The following TBC1D32 variants were observed in gnomAD, a reference collection of about 807,000 sequenced individuals.
TBC1D32 encodes protein broad-minded.
A neutral mutation model predicts 170.3 loss-of-function variants in TBC1D32; 151 were observed. The observed-to-expected ratio is 0.89, with a 90% CI of 0.78 to 1.01. TBC1D32 has a LOEUF of 1.01. Among genes scored for constraint, TBC1D32 ranks in the 50% least tolerant of loss-of-function variants. The pLI, the probability that TBC1D32 is intolerant of heterozygous loss-of-function variation, is 0.00. For missense variants in TBC1D32, 1,464 were observed against 1,457.1 expected, an observed-to-expected ratio of 1.00 and a Z score of -0.08; for synonymous variants, 498 against 488.0, an observed-to-expected ratio of 1.02 and a Z score of -0.27.
intron 20 of TBC1D32, among the ~76,000 whole-genome samples, chr6:121,230,695 A>G (rs1276724004): frequency 1.3e-5 from 2 of 151,772 alleles, no homozygotes; most frequent in South Asian, 2.1e-4. Context: ...ACATGTGTGT[A>G]TATATATTTG....
At chr6:121,282,485 C>CT (rs200639441) in intron 13 of TBC1D32, among the ~76,000 whole-genome samples, 4,971 of 151,748 alleles carry the variant, frequency 0.033, 193 homozygotes, top group East Asian at 0.12. Context: ...GGAAACTATT[C>CT]TAACTTATGT....
At chr6:121,191,039 A>G (rs1366046724) in intron 22 of TBC1D32, among the ~76,000 whole-genome samples, 1 of 7,462 alleles carries the variant, frequency 1.3e-4, no homozygotes, top group Non-Finnish European at 6.6e-4. Context: ...CAATGTGTGT[A>G]TGCATATATA....
In TBC1D32 at chr6:121,112,631, A is replaced by G; in HGVS notation, c.3198T>C (p.His1066=). The G allele has an allele frequency of 6.3e-7, 1 of 1,596,980 alleles. No individual in the cohort carries two copies. The highest frequency in any genetic ancestry group is 2.3e-5 in the East Asian group (1 of 43,928). ...TGAACAGAGAAGATACAAACCAGTC[A>G]TGGCCAGCATAATTCCCTTGCAGGC... ...LLCLQGNYAG[H]DWFVSSLFMI... The change falls in exon 29 of 32, where the codon CAT becomes CAC. Residue 1066 remains histidine (H), a synonymous_variant. Transcript: ENST00000398212.
intron 20 of TBC1D32, chr6:121,224,392 T>C (rs1021532561): frequency 2.0e-5 from 3 of 152,130 alleles, no homozygotes; most frequent in African/African-American, 7.2e-5. Context: ...TGCTTTACAT[T>C]TTCTAAAAAT....
chr6:121,333,936 G>T (rs1229458140), intron 1 of TBC1D32, among the ~76,000 whole-genome samples: 1 of 152,030 alleles, frequency 6.6e-6, no homozygotes, highest in African/African-American at 2.4e-5. Context: ...CCGCGGTGGC[G>T]GGCACCTGCA....
intron 1 of TBC1D32, among the ~76,000 whole-genome samples, chr6:121,327,016 T>C (rs1810545674): frequency 1.3e-5 from 2 of 152,176 alleles, no homozygotes; most frequent in South Asian, 4.1e-4. Flanking sequence ...TCGGAATTCA[T>C]GGCAACACCC....
chr6:121,199,282 C>A (rs1457674026), intron 22 of TBC1D32, among the ~76,000 whole-genome samples: 1 of 151,250 alleles, frequency 6.6e-6, no homozygotes, highest in East Asian at 1.9e-4. Context: ...TGGAATATTA[C>A]TTAATCCTTT....
intron 26 of TBC1D32, among the ~76,000 whole-genome samples, chr6:121,116,879 T>G (rs945483667): frequency 2.6e-5 from 4 of 152,202 alleles, no homozygotes; most frequent in Non-Finnish European, 5.9e-5. Flanking sequence ...AGACCCTCTC[T>G]AAAACTTTAT....
At chr6:121,082,460 C>A (rs776093122) in intron 31 of TBC1D32, among the ~76,000 whole-genome samples, 22 of 151,930 alleles carry the variant, frequency 1.4e-4, no homozygotes, top group Non-Finnish European at 2.8e-4. Flanking sequence ...GCTTTAACTA[C>A]CTCTTCACTA....
intron 26 of TBC1D32, among the ~76,000 whole-genome samples, chr6:121,121,027 T>C (rs1426714322): frequency 6.6e-6 from 1 of 151,970 alleles, no homozygotes; most frequent in Non-Finnish European, 1.5e-5. Context: ...TCTTTGAATA[T>C]AGATGTGAAT....
rs531526796 is a variant in TBC1D32, at chr6:121,143,773, T to C, written c.2774-12021A>G. Reference sequence around the variant, plus strand: ...ATTAATGTTTAGCTTTATTTAACGGTATTTAACCAGACACATACCTGTTAG... The same window carrying C: ...ATTAATGTTTAGCTTTATTTAACGGCATTTAACCAGACACATACCTGTTAG... On this transcript the variant is annotated intron_variant, in intron 24 of 31. Transcript: ENST00000398212. Among the ~76,000 whole-genome samples the C allele has an allele frequency of 2.6e-5, 4 of 152,260 alleles. 1 individual carries two copies. The East Asian group carries it at 5.8e-4, about 22-fold the overall frequency.
At chr6:121,320,538 G>A (rs1809571887) in intron 2 of TBC1D32, among the ~76,000 whole-genome samples, 1 of 151,952 alleles carries the variant, frequency 6.6e-6, no homozygotes, top group Admixed American at 6.6e-5. Flanking sequence ...GACTTACTAG[G>A]AATTATATTA....
chr6:121,321,252 A>G (rs1258112670), intron 2 of TBC1D32, among the ~76,000 whole-genome samples: 3 of 152,216 alleles, frequency 2.0e-5, no homozygotes, highest in Non-Finnish European at 4.4e-5. Context: ...ATATTTAGGA[A>G]AAGGGCATTC....
chr6:121,232,945 A>T (rs1337113415), intron 20 of TBC1D32, among the ~76,000 whole-genome samples: 2 of 152,004 alleles, frequency 1.3e-5, no homozygotes, highest in Non-Finnish European at 2.9e-5. Context: ...TTTAATTTCC[A>T]TCTTGATATC....
Position 121,308,104 on chromosome 6 carries a change from A to T in TBC1D32, c.565-3T>A. On this transcript the variant is annotated splice_region_variant and splice_polypyrimidine_tract_variant and intron_variant, in intron 4 of 31. Coordinates refer to ENST00000398212, the MANE Select transcript of TBC1D32 (RefSeq NM_152730.6). ...GTTTGCAAGGCTTCATATCTCACCT[A>T]CAATTTTTTTAAAAGACTTTTATTA... 2 of 1,607,988 alleles carry T rather than the reference A, an allele frequency of 1.2e-6. No homozygotes were observed. Among genetic ancestry groups the T allele is most frequent in the Non-Finnish European group, 1.7e-6 (2 of 1,178,592 alleles).
chr6:121,156,242 GATATC>G (rs1784870058), intron 24 of TBC1D32, among the ~76,000 whole-genome samples: 1 of 151,614 alleles, frequency 6.6e-6, no homozygotes, highest in African/African-American at 2.4e-5. Flanking sequence ...TCAATCTTAG[GATATC>G]ATGTTTTCAG....
In TBC1D32 at chr6:121,285,451, T is replaced by G. The variant is rs370922571; in HGVS notation, c.1373-1541A>C. 4.8e-4 allele frequency among the ~76,000 whole-genome samples: 73 copies of G among 152,246 alleles called. 1 individual carries two copies. In the South Asian group the frequency reaches 0.013, roughly 27 times the overall value. On this transcript the variant is annotated intron_variant, in intron 12 of 31. Coordinates refer to ENST00000398212, the MANE Select transcript of TBC1D32 (RefSeq NM_152730.6). ...TTAGAGACCCAGTCCCTTAGGTTTT[T>G]GGGGGATCTAAGCATGTAACCACAC...
chr6:121,294,839 C>A (rs1805378038), intron 10 of TBC1D32, among the ~76,000 whole-genome samples, 179 bp from the exon 11 acceptor site: 2 of 152,160 alleles, frequency 1.3e-5, no homozygotes. Flanking sequence ...TATGGCATCA[C>A]TCTGGTGAAC....
intron 16 of TBC1D32, among the ~76,000 whole-genome samples, chr6:121,255,653 T>C (rs1017424965): frequency 6.6e-6 from 1 of 152,010 alleles, no homozygotes; most frequent in African/African-American, 2.4e-5. Context: ...TCATATAACA[T>C]ATTTTACAAA....
Sources: gnomAD v4.1 joint callset for allele counts (sites outside exome capture counted in the v4.1 genomes callset) on GRCh38, gnomAD v4.1.1 for gene constraint, MANE v1.5 for transcripts, NCBI Gene and HGNC (gene_info 2026-07-23, HGNC 2026-07-21) for gene names.